The following IQANK1 variants were observed in gnomAD, a reference collection of about 807,000 sequenced individuals.
The protein encoded by IQANK1 is IQ motif and ankyrin repeat domain-containing protein 1.
Under a neutral mutation model 22.6 loss-of-function variants are expected in IQANK1, and 30 were observed. The observed-to-expected ratio is 1.33, with a 90% CI of 0.99 to 1.80. The LOEUF (loss-of-function observed/expected upper bound fraction) is 1.80, where lower values mean the gene tolerates loss of function less well. IQANK1 is among the 40% of genes most tolerant of loss of function. The pLI is 0.00. For synonymous variants in IQANK1, 122 were observed against 99.6 expected (o/e 1.23, Z -1.34); for missense variants, 275 against 235.2 (o/e 1.17, Z -1.11).
At chr8:143,767,387 G>A (rs1819499215) in intron 3 of IQANK1, among the ~76,000 whole-genome samples, 1 of 152,162 alleles carries the variant, frequency 6.6e-6, no homozygotes, top group Non-Finnish European at 1.5e-5. Flanking sequence ...GAGATCTTGT[G>A]TGTATCTTTG....
chr8:143,788,363 C>T (rs1819933910), intron 7 of IQANK1, among the ~76,000 whole-genome samples: 1 of 152,224 alleles, frequency 6.6e-6, no homozygotes, highest in Non-Finnish European at 1.5e-5. Flanking sequence ...CAGGGACTCA[C>T]CCGGCGCAGC....
At chr8:143,787,536 G>A (rs921738193) in intron 7 of IQANK1, among the ~76,000 whole-genome samples, 35 of 152,108 alleles carry the variant, frequency 2.3e-4, no homozygotes, top group Non-Finnish European at 2.8e-4. Flanking sequence ...TCTCCCTCTC[G>A]TCTGCTGTGT....
chr8:143,760,721 T>G (rs1397213646), intron 3 of IQANK1, among the ~76,000 whole-genome samples: 1 of 152,158 alleles, frequency 6.6e-6, no homozygotes. Context: ...TTATGAAGAA[T>G]GGCCAAACAG....
Position 143,789,473 on chromosome 8 carries a change from C to T in IQANK1, c.1031C>T (p.Ser344Leu). Residue 344 changes from serine to leucine, a missense_variant, in exon 10 of 14, where the codon TCA becomes TTA. Ser to Leu is a moderately radical substitution (Grantham distance 145, BLOSUM62 -2). Coordinates refer to ENST00000527139, the MANE Select transcript of IQANK1 (RefSeq NM_001381874.1). ...TACTGTGAGCTTAGCCGGAGGATCT[C>T]AGAGCACGACCAGTGTGAGTGGAGG... ...QAYCELSRRI[S>L]EHDQCEWRCM... The T allele has an allele frequency of 8.1e-7, 1 of 1,232,238 alleles. No individual in the cohort carries two copies. The highest frequency in any genetic ancestry group is 1.0e-6 in the Non-Finnish European group (1 of 988,164). The allele number at this position is 1,232,238 out of a possible 1,614,324, so 76.3% of individuals were successfully genotyped here.
chr8:143,756,784 A>G (rs1819300165), intron 3 of IQANK1, among the ~76,000 whole-genome samples: 1 of 151,126 alleles, frequency 6.6e-6, no homozygotes, highest in Non-Finnish European at 1.5e-5. Context: ...TGGGCAACAC[A>G]GTGAAACAGT....
intron 7 of IQANK1, among the ~76,000 whole-genome samples, chr8:143,780,913 C>G (rs911554345): frequency 6.6e-6 from 1 of 152,190 alleles, no homozygotes; most frequent in African/African-American, 2.4e-5. Flanking sequence ...CTGCTTTCCA[C>G]AGTGGCTGAA....
At chr8:143,755,927 A>G (rs1440108255) in intron 3 of IQANK1, among the ~76,000 whole-genome samples, 1 of 152,166 alleles carries the variant, frequency 6.6e-6, no homozygotes, top group African/African-American at 2.4e-5. Flanking sequence ...TCTATGTTGT[A>G]GAGCCCATGC....
chr8:143,742,393 C>T (rs1554626666), intron 3 of IQANK1: 1 of 456,028 alleles, frequency 2.2e-6, no homozygotes, highest in South Asian at 1.5e-5. Flanking sequence ...GTGTGGGAGC[C>T]TTTCCCAGCC....
Position 143,790,634 on chromosome 8 carries a change from T to A in IQANK1, c.*26T>A. On this transcript the variant is annotated 3_prime_UTR_variant, in exon 14 of 14. Transcript: ENST00000527139. ...TGCTGGCCCCAGTCCCAATAAAACG[T>A]GTGCCCCGGGGCGCGGTGCTGCATC... is the stretch of plus-strand genomic sequence containing the variant. 5.0e-6 allele frequency: 2 copies of A among 398,612 alleles called. No homozygotes were observed. Among genetic ancestry groups the A allele is most frequent in the Non-Finnish European group, 8.8e-6 (2 of 226,036 alleles). The allele number at this position is 398,612 out of a possible 1,614,324, so 24.7% of individuals were successfully genotyped here.
At chr8:143,766,622 G>T (rs1452787230) in intron 3 of IQANK1, among the ~76,000 whole-genome samples, 1 of 151,978 alleles carries the variant, frequency 6.6e-6, no homozygotes, top group African/African-American at 2.4e-5. Context: ...AGTGAGCCAG[G>T]ATCGAGTCAC....
chr8:143,749,919 ATATT>A (rs1377573454), intron 3 of IQANK1, among the ~76,000 whole-genome samples: 11 of 151,658 alleles, frequency 7.3e-5, no homozygotes, highest in Non-Finnish European at 1.2e-4. Context: ...TAGTTATTAT[ATATT>A]CTTGCTATAT....
chr8:143,767,480 G>A (rs1179953464), intron 3 of IQANK1, among the ~76,000 whole-genome samples: 1 of 152,138 alleles, frequency 6.6e-6, no homozygotes, highest in African/African-American at 2.4e-5. Flanking sequence ...AACAGAATTA[G>A]TATGGGGATT....
chr8:143,781,739 C>T (rs146527349), intron 7 of IQANK1, among the ~76,000 whole-genome samples: 14 of 152,192 alleles, frequency 9.2e-5, no homozygotes, highest in African/African-American at 2.4e-4. Flanking sequence ...AGTTTGAAGC[C>T]GGGTAACACA....
intron 3 of IQANK1, among the ~76,000 whole-genome samples, chr8:143,767,166 T>G (rs902910258): frequency 3.4e-4 from 52 of 152,248 alleles, no homozygotes; most frequent in African/African-American, 1.2e-3. Flanking sequence ...CGTGGTCAAT[T>G]TTCACACAAA....
chr8:143,785,738 T>C (rs1165205466), intron 7 of IQANK1, among the ~76,000 whole-genome samples: 7 of 150,670 alleles, frequency 4.6e-5, no homozygotes, highest in African/African-American at 1.7e-4. Context: ...TTTTTTTTTT[T>C]TTCTCTGAGA....
intron 2 of IQANK1, 25 bp from the exon 3 acceptor site, chr8:143,739,834 C>G (rs782006093): frequency 1.5e-5 from 10 of 687,532 alleles, no homozygotes; most frequent in Non-Finnish European, 2.7e-5. Context: ...TCATCCCAAG[C>G]TCACTGACGG....
chr8:143,782,182 G>C (rs1554630997), intron 7 of IQANK1, among the ~76,000 whole-genome samples: 1 of 152,190 alleles, frequency 6.6e-6, no homozygotes, highest in Non-Finnish European at 1.5e-5. Context: ...AAACTTTTCT[G>C]AAGTTGTTTA....
intron 3 of IQANK1, among the ~76,000 whole-genome samples, chr8:143,749,487 TATAA>T (rs1289659361): frequency 7.5e-6 from 1 of 133,314 alleles, no homozygotes; most frequent in Non-Finnish European, 1.5e-5. Context: ...TGTATAAATA[TATAA>T]ATATATATCA....
chr8:143,739,871 A>C lies in IQANK1; in HGVS notation c.98A>C (p.Glu33Ala). The C allele has an allele frequency of 1.4e-6, 1 of 695,100 alleles. No homozygotes were observed. Among genetic ancestry groups the C allele is most frequent in the Non-Finnish European group, 2.6e-6 (1 of 381,818 alleles). 43.1% of individuals were successfully genotyped at this position (695,100 alleles called of 1,614,324 possible). A position where few individuals can be genotyped will look rare whatever the true frequency, so the allele number is the denominator to read the frequency against. ...CGTTTTCCCTTAGGGAAGCCCGGGGAGAACCGCCCGCCGCAGAGGAAAGCG... is the reference window on the plus strand; with the variant it reads ...CGTTTTCCCTTAGGGAAGCCCGGGGCGAACCGCCCGCCGCAGAGGAAAGCG... ...KTRAAAGKPGENRPPQRKAGW... is the reference protein window; with the variant it reads ...KTRAAAGKPGANRPPQRKAGW... Residue 33 changes from glutamate to alanine, a missense_variant, in exon 3 of 14, where the codon GAG becomes GCG. Glu to Ala is a moderately radical substitution (Grantham distance 107, BLOSUM62 -1). Coordinates refer to ENST00000527139, the MANE Select transcript of IQANK1 (RefSeq NM_001381874.1).
Sources: gnomAD v4.1 joint callset for allele counts (sites outside exome capture counted in the v4.1 genomes callset) on GRCh38, gnomAD v4.1.1 for gene constraint, MANE v1.5 for transcripts, NCBI Gene and HGNC (gene_info 2026-07-23, HGNC 2026-07-21) for gene names.